PRDM16: variants seen among roughly 807,000 people sequenced by gnomAD.
The protein encoded by PRDM16 is histone-lysine N-methyltransferase PRDM16.
In PRDM16, 23 loss-of-function variants were observed where a neutral mutation model predicts 110.6. That is an observed-to-expected ratio of 0.21 (90% CI 0.15 to 0.29). The LOEUF (loss-of-function observed/expected upper bound fraction) is 0.29. Among genes scored for constraint, PRDM16 ranks in the 10% least tolerant of loss-of-function variants. The pLI is 1.00. For synonymous variants in PRDM16, 799 were observed against 781.8 expected (o/e 1.02, Z -0.37); for missense variants, 1,615 against 1,794.3 (o/e 0.90, Z 1.81).
chr1:3,125,102 C>T (rs1487159135), intron 1 of PRDM16, among the ~76,000 whole-genome samples: 2 of 152,264 alleles, frequency 1.3e-5, no homozygotes, highest in African/African-American at 2.4e-5. Context: ...TTCTCTTTGC[C>T]TAAAGCTCTG....
chr1:3,422,383 ACAGT>A (rs1392337583), intron 12 of PRDM16, among the ~76,000 whole-genome samples: 30 of 152,124 alleles, frequency 2.0e-4, no homozygotes, highest in African/African-American at 3.4e-4. Flanking sequence ...AGGCAGACAG[ACAGT>A]CAGGCAGGCA....
At chr1:3,132,088 G>T (rs1284930647) in intron 1 of PRDM16, among the ~76,000 whole-genome samples, 1 of 152,184 alleles carries the variant, frequency 6.6e-6, no homozygotes, top group Non-Finnish European at 1.5e-5. Context: ...GCGATCAGGG[G>T]CTCAATGGGG....
chr1:3,350,916 G>A lies in PRDM16; in HGVS notation c.439-34236G>A, dbSNP rs766391535. On this transcript the variant is annotated intron_variant, in intron 3 of 16. Transcript: ENST00000270722. This position sits in a 1 kb window ranked among gnomAD's most constrained non-coding sequence, Gnocchi z 7.1. ...AGAGCCCACTCTGAAGGGGACTTGG[G>A]GATTCACTTCAGCTCTCGCTTTATT... Among the ~76,000 whole-genome samples, 3 of 152,190 alleles carry A rather than the reference G, an allele frequency of 2.0e-5. No individual in the cohort carries two copies. The highest frequency in any genetic ancestry group is 4.4e-5 in the Non-Finnish European group (3 of 68,028).
At chr1:3,371,909 G>A (rs1459364229) in intron 3 of PRDM16, among the ~76,000 whole-genome samples, 3 of 152,258 alleles carry the variant, frequency 2.0e-5, no homozygotes, top group Non-Finnish European at 2.9e-5. Context: ...GGAGACATGA[G>A]CATCCAATGA....
At chr1:3,155,121 G>A (rs1321833206) in intron 1 of PRDM16, among the ~76,000 whole-genome samples, 1 of 152,154 alleles carries the variant, frequency 6.6e-6, no homozygotes, top group Non-Finnish European at 1.5e-5. Flanking sequence ...AGGGGCTCTG[G>A]AGTCTTCCTT....
intron 1 of PRDM16, among the ~76,000 whole-genome samples, chr1:3,125,434 G>T (rs543213875): frequency 6.6e-6 from 1 of 152,356 alleles, no homozygotes; most frequent in Non-Finnish European, 1.5e-5. Flanking sequence ...CACTGTCATC[G>T]CCAGGGCACA....
At chr1:3,070,118 G>A (rs1641712790) in intron 1 of PRDM16, among the ~76,000 whole-genome samples, 1 of 151,960 alleles carries the variant, frequency 6.6e-6, no homozygotes, top group Admixed American at 6.5e-5. Context: ...GCCGCCCTCG[G>A]GCCCGCGTGG....
At chr1:3,266,825 G>A (rs979281391) in intron 3 of PRDM16, among the ~76,000 whole-genome samples, 1 of 152,048 alleles carries the variant, frequency 6.6e-6, no homozygotes, top group Non-Finnish European at 1.5e-5. Context: ...ACAGGCAACC[G>A]CCCCCACGCC....
At chr1:3,314,456 G>A (rs1641550245) in intron 3 of PRDM16, among the ~76,000 whole-genome samples, 1 of 152,084 alleles carries the variant, frequency 6.6e-6, no homozygotes, top group Non-Finnish European at 1.5e-5. Flanking sequence ...ATGAGGATGG[G>A]GACAAGGAGA....
intron 3 of PRDM16, among the ~76,000 whole-genome samples, chr1:3,313,861 G>A (rs527315281): frequency 4.6e-5 from 7 of 152,370 alleles, no homozygotes; most frequent in South Asian, 4.1e-4. Context: ...CCGGCCCAGC[G>A]TCCAGAGACA....
intron 7 of PRDM16, 79 bp downstream of exon 7, chr1:3,404,965 A>G (rs1330644046): frequency 1.3e-6 from 2 of 1,483,958 alleles, no homozygotes; most frequent in Non-Finnish European, 1.8e-6. Flanking sequence ...TGCTCCCTAC[A>G]CCCCCTGGTC....
At chr1:3,077,217 T>G (rs558579312) in intron 1 of PRDM16, among the ~76,000 whole-genome samples, 1 of 152,118 alleles carries the variant, frequency 6.6e-6, no homozygotes, top group East Asian at 1.9e-4. Context: ...GCTGGCGAGG[T>G]CTCCCGTGGG....
intron 2 of PRDM16, among the ~76,000 whole-genome samples, chr1:3,221,341 G>T (rs2651896): frequency 2.6e-5 from 4 of 152,208 alleles, no homozygotes; most frequent in African/African-American, 9.6e-5. Context: ...CTGAGCCTCC[G>T]GTTCAGCGTA....
At position 3,243,387 on chromosome 1, in the gene PRDM16, A is replaced by G. The variant is rs1003654104; in HGVS notation, c.388-700A>G. Among the ~76,000 whole-genome samples the G allele has an allele frequency of 3.3e-5, 5 of 151,758 alleles. No individual in the cohort carries two copies. The highest frequency in any genetic ancestry group is 1.2e-4 in the African/African-American group (5 of 41,446). On this transcript the variant is annotated intron_variant, in intron 2 of 16. Transcript: ENST00000270722. This position sits in a 1 kb window ranked among gnomAD's most constrained non-coding sequence, Gnocchi z 5.5. ...CCCACCTCTGATTTGCCAAAAAAAA[A>G]AAGAGGAAGCAGAGAAATGGCATGA... is the stretch of plus-strand genomic sequence containing the variant.
chr1:3,314,083 C>T (rs868358230), intron 3 of PRDM16, among the ~76,000 whole-genome samples: 1 of 122,314 alleles, frequency 8.2e-6, no homozygotes, highest in South Asian at 2.4e-4. Context: ...GGGGGGGGGG[C>T]GGGAACATAA....
intron 3 of PRDM16, among the ~76,000 whole-genome samples, chr1:3,371,863 T>C (rs1438188502): frequency 2.0e-5 from 3 of 152,210 alleles, no homozygotes; most frequent in East Asian, 1.9e-4. Context: ...CATTCCCTTA[T>C]TGACAAATGT....
At chr1:3,378,447 TC>T (rs1035983890) in intron 3 of PRDM16, among the ~76,000 whole-genome samples, 1 of 152,052 alleles carries the variant, frequency 6.6e-6, no homozygotes, top group African/African-American at 2.4e-5. Flanking sequence ...TCGGGGACCC[TC>T]CCTCTGGTCC....
At chr1:3,378,581 G>A (rs765423762) in intron 3 of PRDM16, among the ~76,000 whole-genome samples, 1 of 152,096 alleles carries the variant, frequency 6.6e-6, no homozygotes, top group Non-Finnish European at 1.5e-5. Flanking sequence ...ATGTACCATG[G>A]GGCAGCAACA....
intron 2 of PRDM16, among the ~76,000 whole-genome samples, chr1:3,240,433 A>T (rs561936011): frequency 7.8e-4 from 118 of 151,254 alleles, no homozygotes; most frequent in African/African-American, 2.8e-3. Context: ...ACAGAAAAAG[A>T]AGAAGAAGAA....
Sources: gnomAD v4.1 joint callset for allele counts (sites outside exome capture counted in the v4.1 genomes callset) on GRCh38, gnomAD v4.1.1 for gene constraint, Gnocchi (gnomAD v3.1) non-coding constraint, MANE v1.5 for transcripts, NCBI Gene and HGNC (gene_info 2026-07-23, HGNC 2026-07-21) for gene names.